Variants in CDKN2B-AS1 observed in about 807,000 individuals in gnomAD.
The protein encoded by CDKN2B-AS1 is CDKN2B and CDKN2A antisense cis and trans regulatory RNA 1.
chr9:22,085,331 C>T (rs1284760847), intron 4 of CDKN2B-AS1, among the ~76,000 whole-genome samples: 2 of 152,166 alleles, frequency 1.3e-5, no homozygotes, highest in African/African-American at 2.4e-5. Flanking sequence ...CCCACCCTGC[C>T]AAGTGCATTC....
intron 1 of CDKN2B-AS1, chr9:22,009,086 A>G: frequency 7.4e-7 from 1 of 1,355,050 alleles, no homozygotes. Flanking sequence ...CAGCTTCATT[A>G]CCCTCCCGTC....
intron 4 of CDKN2B-AS1, among the ~76,000 whole-genome samples, chr9:22,085,823 G>C (rs1180678381): frequency 6.6e-6 from 1 of 151,584 alleles, no homozygotes; most frequent in Non-Finnish European, 1.5e-5. Flanking sequence ...GTCTAGACAA[G>C]TGTCCAGGTC....
At chr9:22,122,674 C>T (rs1826125688) in intron 4 of CDKN2B-AS1, among the ~76,000 whole-genome samples, 1 of 152,026 alleles carries the variant, frequency 6.6e-6, no homozygotes, top group Non-Finnish European at 1.5e-5. Context: ...ACTGAGTGTT[C>T]TTGATATCTT....
In CDKN2B-AS1 at chr9:22,048,251, A is replaced by G. The variant is rs371237111; in HGVS notation, n.180-855A>G. The stretch of plus-strand genomic sequence containing the variant: ...GCACTCAGCAGAAGTGTGTGCCTCT[A>G]AGGTGGATGCTGGTATGAAATATCT... On this transcript the variant is annotated intron_variant and non_coding_transcript_variant, in intron 2 of 4. Coordinates refer to ENST00000650946, the Ensembl canonical transcript of CDKN2B-AS1. Among the ~76,000 whole-genome samples, 273 of 152,182 alleles carry G rather than the reference A, an allele frequency of 1.8e-3. 1 individual carries two copies. Among genetic ancestry groups the G allele is most frequent in the African/African-American group, 6.2e-3 (259 of 41,544 alleles).
chr9:22,092,696 A>G (rs1400066175), intron 4 of CDKN2B-AS1, among the ~76,000 whole-genome samples: 1 of 151,954 alleles, frequency 6.6e-6, no homozygotes, highest in African/African-American at 2.4e-5. Context: ...TATTGTGTCT[A>G]TTTGATTCTT....
intron 1 of CDKN2B-AS1, among the ~76,000 whole-genome samples, chr9:22,020,820 G>T (rs907069247): frequency 6.6e-6 from 1 of 152,160 alleles, no homozygotes; most frequent in African/African-American, 2.4e-5. Flanking sequence ...CTCCCATTCT[G>T]TAGGTTGTCT....
At chr9:22,040,644 A>G (rs1822860301) in intron 1 of CDKN2B-AS1, among the ~76,000 whole-genome samples, 2 of 152,032 alleles carry the variant, frequency 1.3e-5, no homozygotes, top group South Asian at 4.1e-4. Context: ...GAGTTAGTCC[A>G]GTTTAGGCAG....
At chr9:22,101,609 C>G (rs902212310) in intron 4 of CDKN2B-AS1, among the ~76,000 whole-genome samples, 1 of 150,008 alleles carries the variant, frequency 6.7e-6, no homozygotes, top group Non-Finnish European at 1.5e-5. Flanking sequence ...AATTTGTTTT[C>G]TTTTATTTTT....
At chr9:22,091,610 A>G (rs999390764) in intron 4 of CDKN2B-AS1, among the ~76,000 whole-genome samples, 6 of 152,182 alleles carry the variant, frequency 3.9e-5, no homozygotes, top group Non-Finnish European at 5.9e-5. Context: ...GAGTTCACTC[A>G]TGATTTGGCT....
chr9:22,069,550 C>G (rs1221563397), intron 4 of CDKN2B-AS1, among the ~76,000 whole-genome samples: 1 of 152,014 alleles, frequency 6.6e-6, no homozygotes, highest in Non-Finnish European at 1.5e-5. Context: ...ATTATAGTTA[C>G]ACATAATTAT....
At position 22,005,691 on chromosome 9, in the gene CDKN2B-AS1, C is replaced by T. The variant is rs1013592149; in HGVS notation, n.29+10530C>T. The T allele has an allele frequency of 2.3e-5, 12 of 532,380 alleles. No homozygotes were observed. The African/African-American group carries it at 2.3e-4, about 10-fold the overall frequency. The allele number at this position is 532,380 out of a possible 1,614,324, so 33.0% of individuals were successfully genotyped here. ...CAAGGATTTCATATGCACTTTCCCT[C>T]AGAAAACCCTGAAAAGCAAACGACC... is the stretch of plus-strand genomic sequence containing the variant. On this transcript the variant is annotated intron_variant and non_coding_transcript_variant, in intron 1 of 4. Coordinates refer to ENST00000650946, the Ensembl canonical transcript of CDKN2B-AS1. This position sits in a 1 kb window ranked among gnomAD's most constrained non-coding sequence, Gnocchi z 4.9.
chr9:22,122,889 G>T (rs745605767), intron 4 of CDKN2B-AS1, among the ~76,000 whole-genome samples: 2 of 151,932 alleles, frequency 1.3e-5, no homozygotes, highest in Non-Finnish European at 1.5e-5. Context: ...GGTCTTTTGT[G>T]GTTCCATATA....
intron 2 of CDKN2B-AS1, among the ~76,000 whole-genome samples, chr9:22,047,775 A>G (rs746634874): frequency 4.0e-5 from 6 of 151,866 alleles, no homozygotes; most frequent in Non-Finnish European, 8.8e-5. Flanking sequence ...TGTTGATGAG[A>G]AAACTTTTTT....
intron 1 of CDKN2B-AS1, chr9:22,029,413 A>AT (rs751280588): frequency 5.1e-6 from 4 of 779,220 alleles, no homozygotes; most frequent in South Asian, 2.7e-5. Context: ...ACAAATCCAG[A>AT]TTTTTTGGAT....
chr9:22,040,355 T>C (rs1479051733), intron 1 of CDKN2B-AS1, among the ~76,000 whole-genome samples: 1 of 152,044 alleles, frequency 6.6e-6, no homozygotes, highest in African/African-American at 2.4e-5. Context: ...CATGGCTATT[T>C]CATTATAGTG....
chr9:22,013,474 G>C (rs141537528), intron 1 of CDKN2B-AS1, among the ~76,000 whole-genome samples: 12 of 151,968 alleles, frequency 7.9e-5, no homozygotes, highest in Middle Eastern at 3.4e-3. Flanking sequence ...TAAGGGACAG[G>C]TTTCATTCAC....
chr9:22,116,077 C>G (rs1825942258), intron 4 of CDKN2B-AS1, among the ~76,000 whole-genome samples: 1 of 152,176 alleles, frequency 6.6e-6, no homozygotes, highest in Non-Finnish European at 1.5e-5. Flanking sequence ...TTCTTTATCT[C>G]TTTCCAAAAT....
chr9:22,085,360 C>T (rs1824831681), intron 4 of CDKN2B-AS1, among the ~76,000 whole-genome samples: 1 of 152,136 alleles, frequency 6.6e-6, no homozygotes, highest in Admixed American at 6.5e-5. Context: ...TCAGGTGTGC[C>T]TGTTTATCCC....
At chr9:22,024,363 G>A (rs923687571) in intron 1 of CDKN2B-AS1, among the ~76,000 whole-genome samples, 3 of 152,188 alleles carry the variant, frequency 2.0e-5, no homozygotes, top group Admixed American at 6.5e-5. Flanking sequence ...GGATTCAGGG[G>A]TGCCTGCCTC....
Sources: gnomAD v4.1 joint callset for allele counts (sites outside exome capture counted in the v4.1 genomes callset) on GRCh38, gnomAD v4.1.1 for gene constraint, Gnocchi (gnomAD v3.1) non-coding constraint, MANE v1.5 for transcripts, NCBI Gene and HGNC (gene_info 2026-07-23, HGNC 2026-07-21) for gene names.